The following STIM1 variants were observed in gnomAD, a reference collection of about 807,000 sequenced individuals.
STIM1 encodes the protein stromal interaction molecule 1.
In STIM1, 25 loss-of-function variants were observed where a neutral mutation model predicts 74.7. That is an observed-to-expected ratio of 0.33 (90% CI 0.24 to 0.47). The LOEUF is 0.47. STIM1 is among the 20% of genes least tolerant of loss of function. The pLI, the probability that STIM1 is intolerant of heterozygous loss-of-function variation, is 1.00. For missense variants in STIM1, 728 were observed against 920.8 expected (o/e 0.79, Z 2.71); for synonymous variants, 328 against 348.8 (o/e 0.94, Z 0.66).
intron 2 of STIM1, chr11:3,989,152 T>C (rs2093584932): frequency 7.9e-7 from 1 of 1,267,632 alleles, no homozygotes; most frequent in Admixed American, 1.8e-5. Context: ...GTATGATGTG[T>C]GGTATTATTC....
rs201852473 is a variant in STIM1 at position 4,091,652 on chromosome 11, G to A, written c.2005G>A (p.Ala669Thr). ...AGTTGGGGACAGCCGAGCCCTGCAA[G>A]CCAGCCGAAACACACGCATTCCCCA... ...SPVGDSRALQ[A>T]SRNTRIPHLA... is the part of the protein sequence containing the mutation. The change falls in exon 13 of 13, where the codon GCC becomes ACC. Residue 669 changes from alanine (A) to threonine (T), a missense_variant. Ala to Thr is a moderately conservative substitution (Grantham distance 58, BLOSUM62 0). Around this residue, in one of 5 missense-constraint regions of STIM1, gnomAD observed 352 missense variants for 370.1 expected, o/e 0.95. Transcript: ENST00000526596. 9 of 1,614,122 alleles carry A rather than the reference G, an allele frequency of 5.6e-6. No homozygotes were observed. In the South Asian group the frequency reaches 9.9e-5, roughly 18 times the overall value.
chr11:3,917,978 G>A (rs971932808), intron 1 of STIM1, among the ~76,000 whole-genome samples: 7 of 152,048 alleles, frequency 4.6e-5, no homozygotes, highest in South Asian at 2.1e-4. Flanking sequence ...TGCAGGTGAC[G>A]GAAATACAAT....
chr11:4,026,361 A>G (rs560770437), intron 3 of STIM1, among the ~76,000 whole-genome samples: 13 of 152,348 alleles, frequency 8.5e-5, no homozygotes, highest in Admixed American at 6.5e-4. Context: ...AACGACAAAA[A>G]CTGAAAAACT....
At chr11:3,911,115 G>GAGA (rs1258859916) in intron 1 of STIM1, among the ~76,000 whole-genome samples, 1 of 152,186 alleles carries the variant, frequency 6.6e-6, no homozygotes, top group Non-Finnish European at 1.5e-5. Context: ...TAGCATTGGG[G>GAGA]AGATAAGGAT....
chr11:3,973,023 G>A (rs1047397448), intron 2 of STIM1: 9 of 482,154 alleles, frequency 1.9e-5, no homozygotes, highest in Admixed American at 1.1e-4. Context: ...TGCCTCCATC[G>A]TTGTTATAGC....
chr11:3,888,263 C>G (rs2091789136), intron 1 of STIM1: 1 of 152,104 alleles, frequency 6.6e-6, no homozygotes, highest in Non-Finnish European at 1.5e-5. Flanking sequence ...GCTTGTTTTT[C>G]ATTTGGGGCT....
chr11:3,942,588 AG>A (rs1163877551), intron 1 of STIM1, among the ~76,000 whole-genome samples: 11 of 152,180 alleles, frequency 7.2e-5, no homozygotes, highest in African/African-American at 2.7e-4. Context: ...ATGGACCGGT[AG>A]GTGGCAGGGA....
chr11:3,924,126 A>G (rs1020379422), intron 1 of STIM1, among the ~76,000 whole-genome samples: 1 of 150,172 alleles, frequency 6.7e-6, no homozygotes, highest in Non-Finnish European at 1.5e-5. Flanking sequence ...CCTATTTAGA[A>G]CTTTAAAATT....
intron 5 of STIM1, among the ~76,000 whole-genome samples, chr11:4,067,233 T>C (rs1053255956): frequency 6.6e-6 from 1 of 152,134 alleles, no homozygotes; most frequent in Non-Finnish European, 1.5e-5. Context: ...TATAACAAAT[T>C]GGGGCAGAGG....
At chr11:3,965,965 C>A (rs1204818702) in intron 1 of STIM1, among the ~76,000 whole-genome samples, 1 of 152,228 alleles carries the variant, frequency 6.6e-6, no homozygotes, top group Non-Finnish European at 1.5e-5. Flanking sequence ...AGAGATCATG[C>A]CACTGCACTC....
At chr11:3,892,405 A>G (rs1280428770) in intron 1 of STIM1, 8 of 1,440,186 alleles carry the variant, frequency 5.6e-6, no homozygotes, top group Non-Finnish European at 6.8e-6. Flanking sequence ...AGAGTTGTCC[A>G]CAGTCAGCAG....
intron 1 of STIM1, among the ~76,000 whole-genome samples, chr11:3,865,789 G>A (rs2090831978): frequency 6.6e-6 from 1 of 152,144 alleles, no homozygotes; most frequent in South Asian, 2.1e-4. Context: ...AAAACTTTGT[G>A]GGGTTACTCG....
intron 7 of STIM1, among the ~76,000 whole-genome samples, chr11:4,078,672 A>G (rs1274826951): frequency 1.3e-5 from 2 of 151,648 alleles, no homozygotes; most frequent in Non-Finnish European, 2.9e-5. Context: ...GGTTCAAGCA[A>G]TTCTCCTCCT....
intron 1 of STIM1, among the ~76,000 whole-genome samples, chr11:3,956,036 A>G (rs1334744282): frequency 6.6e-6 from 1 of 151,552 alleles, no homozygotes; most frequent in Admixed American, 6.6e-5. Flanking sequence ...AAAAAAAAAA[A>G]GCAGGAGTTA....
intron 1 of STIM1, among the ~76,000 whole-genome samples, chr11:3,857,068 T>C (rs558135130): frequency 1.3e-5 from 2 of 150,426 alleles, no homozygotes; most frequent in Admixed American, 6.7e-5. Context: ...TTCTTCTGAC[T>C]GATGAGGGTG....
chr11:4,079,215 TG>T (rs1328855590), intron 7 of STIM1, among the ~76,000 whole-genome samples: 2 of 151,936 alleles, frequency 1.3e-5, no homozygotes, highest in African/African-American at 2.4e-5. Context: ...GGCCTGAACC[TG>T]GGAGGCGGAG....
chr11:3,862,290 C>A (rs756327620), intron 1 of STIM1, among the ~76,000 whole-genome samples: 1 of 151,974 alleles, frequency 6.6e-6, no homozygotes, highest in African/African-American at 2.4e-5. Flanking sequence ...GAGTTTATTT[C>A]GGAGAAGTGA....
chr11:3,999,225 C>G (rs2093689626), intron 2 of STIM1, among the ~76,000 whole-genome samples: 1 of 152,186 alleles, frequency 6.6e-6, no homozygotes. Flanking sequence ...GTAGTCCAAG[C>G]TACTCGGGAG....
At chr11:3,992,608 T>C (rs2093626926) in intron 2 of STIM1, among the ~76,000 whole-genome samples, 2 of 152,150 alleles carry the variant, frequency 1.3e-5, no homozygotes, top group Admixed American at 6.5e-5. Flanking sequence ...GCACAGAAGT[T>C]TTAAATTTTG....
Sources: allele counts gnomAD v4.1 joint callset (sites outside exome capture counted in the v4.1 genomes callset), GRCh38; gene constraint gnomAD v4.1.1; regional missense constraint gnomAD v4.1.1; transcripts MANE v1.5; gene names NCBI Gene and HGNC (gene_info 2026-07-23, HGNC 2026-07-21).